CAST: variants seen among roughly 807,000 people sequenced by gnomAD.
The protein encoded by CAST is MIR583 host.
CAST carries 76 observed loss-of-function variants against 119.6 expected under a neutral mutation model. The ratio of observed to expected loss-of-function variants is 0.64; its 90% CI spans 0.53 to 0.77. The LOEUF (loss-of-function observed/expected upper bound fraction) is 0.77, where lower values mean the gene tolerates loss of function less well. CAST is among the 30% of genes least tolerant of loss of function. CAST has a pLI of 0.00. For missense variants in CAST, 953 were observed against 946.5 expected, an observed-to-expected ratio of 1.01 and a Z score of -0.09; for synonymous variants, 319 against 331.6, an observed-to-expected ratio of 0.96 and a Z score of 0.41.
At chr5:96,372,681 G>C in the CAST span, among the ~76,000 whole-genome samples, 1 of 152,042 alleles carries the variant, frequency 6.6e-6, no homozygotes, top group Non-Finnish European at 1.5e-5. Flanking sequence ...CATCTTTCTG[G>C]GGGGCCCCAC....
chr5:96,746,511 G>GT, intron 17 of CAST, 86 bp downstream of exon 17: 5 of 834,966 alleles, frequency 6.0e-6, no homozygotes, highest in Non-Finnish European at 1.1e-5. Context: ...ATTGTCAAAG[G>GT]ACATGTCTGT....
At chr5:96,366,430 T>C in the CAST span, among the ~76,000 whole-genome samples, 17 of 151,560 alleles carry the variant, frequency 1.1e-4, 1 homozygote, top group Admixed American at 7.9e-4. Context: ...TGTTTTCCAA[T>C]TTGGTTCCAT....
chr5:96,743,540 G>A (rs746614659), intron 16 of CAST: 2 of 1,517,132 alleles, frequency 1.3e-6, no homozygotes, highest in Middle Eastern at 2.3e-4. Flanking sequence ...CATCTCTGCT[G>A]TCACTTCCTG....
At chr5:96,373,637 T>G in the CAST span, among the ~76,000 whole-genome samples, 2 of 152,234 alleles carry the variant, frequency 1.3e-5, no homozygotes, top group African/African-American at 4.8e-5. Context: ...TGTGAATAAC[T>G]TAACATCTAA....
At chr5:96,567,647 G>T (rs1746493793) in intron 1 of CAST, among the ~76,000 whole-genome samples, 1 of 152,118 alleles carries the variant, frequency 6.6e-6, no homozygotes, top group Non-Finnish European at 1.5e-5. Context: ...TGACTAAATT[G>T]TTGACCCCTT....
At chr5:96,088,703 C>G in the CAST span, among the ~76,000 whole-genome samples, 1 of 152,142 alleles carries the variant, frequency 6.6e-6, no homozygotes. Context: ...TTCAGTATAT[C>G]AGGAAGCACT....
At chr5:96,283,437 G>A in the CAST span, among the ~76,000 whole-genome samples, 55,105 of 152,082 alleles carry the variant, frequency 0.36, 10,798 homozygotes, top group African/African-American at 0.5. Context: ...TCATCTGGAG[G>A]TGCAGGAACT....
At chr5:96,597,748 A>G (rs1747077465) in intron 1 of CAST, among the ~76,000 whole-genome samples, 1 of 152,120 alleles carries the variant, frequency 6.6e-6, no homozygotes, top group East Asian at 1.9e-4. Flanking sequence ...TGTCTCCTCT[A>G]TGCAAGGACA....
intron 1 of CAST, among the ~76,000 whole-genome samples, chr5:96,647,835 G>A (rs912258787): frequency 6.6e-6 from 1 of 152,090 alleles, no homozygotes; most frequent in African/African-American, 2.4e-5. Context: ...AGAGCTGTGA[G>A]ATAATAAATT....
the CAST span, among the ~76,000 whole-genome samples, chr5:96,193,717 G>A: frequency 6.6e-6 from 1 of 152,126 alleles, no homozygotes; most frequent in African/African-American, 2.4e-5. Context: ...CTGGTTGTTG[G>A]AATTCAGGTG....
chr5:96,546,947 A>G (rs568034853), intron 1 of CAST, among the ~76,000 whole-genome samples: 2 of 152,326 alleles, frequency 1.3e-5, no homozygotes, highest in African/African-American at 4.8e-5. Flanking sequence ...GAGAGCAGGA[A>G]AACTGACATA....
chr5:96,212,125 A>C, the CAST span, among the ~76,000 whole-genome samples: 1 of 151,816 alleles, frequency 6.6e-6, no homozygotes, highest in East Asian at 1.9e-4. Flanking sequence ...GTTTCACATT[A>C]ATTTGTGATT....
the CAST span, among the ~76,000 whole-genome samples, chr5:96,230,557 A>C: frequency 8.5e-5 from 13 of 152,298 alleles, no homozygotes; most frequent in South Asian, 6.2e-4. Context: ...AAGAAAACAC[A>C]GAAGTAAATC....
intron 2 of CAST, among the ~76,000 whole-genome samples, chr5:96,691,770 C>T (rs1282899114): frequency 1.3e-5 from 2 of 152,218 alleles, no homozygotes; most frequent in African/African-American, 4.8e-5. Context: ...TTTGGTGGAA[C>T]AGGACTCTTG....
At chr5:96,156,218 C>A in the CAST span, among the ~76,000 whole-genome samples, 2 of 152,144 alleles carry the variant, frequency 1.3e-5, no homozygotes, top group African/African-American at 2.4e-5. Context: ...GCAACAGTGA[C>A]CTGATTGGTT....
chr5:96,274,028 A>G, the CAST span, among the ~76,000 whole-genome samples: 1 of 152,166 alleles, frequency 6.6e-6, no homozygotes, highest in African/African-American at 2.4e-5. Flanking sequence ...AGAACTTGCC[A>G]AAAATAGACC....
At chr5:96,403,992 A>T in the CAST span, among the ~76,000 whole-genome samples, 1 of 152,230 alleles carries the variant, frequency 6.6e-6, no homozygotes, top group African/African-American at 2.4e-5. Flanking sequence ...CTCACCTATT[A>T]AAAATTATTC....
At chr5:96,003,982 T>C in the CAST span, among the ~76,000 whole-genome samples, 5 of 152,324 alleles carry the variant, frequency 3.3e-5, no homozygotes, top group African/African-American at 1.2e-4. Flanking sequence ...CAGCTCCCGC[T>C]TTTAAAATAG....
At chr5:96,317,416 G>T in the CAST span, among the ~76,000 whole-genome samples, 1 of 139,574 alleles carries the variant, frequency 7.2e-6, no homozygotes, top group South Asian at 2.3e-4. Flanking sequence ...GGCAGAGGTT[G>T]CAGTGAGCTG....
Sources: gnomAD v4.1 joint callset for allele counts (sites outside exome capture counted in the v4.1 genomes callset) on GRCh38, gnomAD v4.1.1 for gene constraint, MANE v1.5 for transcripts, NCBI Gene and HGNC (gene_info 2026-07-23, HGNC 2026-07-21) for gene names.